Variants in UNC80 observed in about 807,000 individuals in gnomAD.
The protein encoded by UNC80 is protein unc-80 homolog.
A neutral mutation model predicts 384.6 loss-of-function variants in UNC80; 164 were observed. The observed-to-expected ratio is 0.43, with a 90% CI of 0.38 to 0.49. The LOEUF is 0.49. Among genes scored for constraint, UNC80 ranks in the 20% least tolerant of loss-of-function variants. The pLI is 0.00. For synonymous variants in UNC80, 1,486 were observed against 1,527.8 expected, an observed-to-expected ratio of 0.97 and a Z score of 0.64; for missense variants, 3,330 against 4,143.0, an observed-to-expected ratio of 0.80 and a Z score of 5.39.
chr2:209,853,919 A>G (rs1329300442), intron 22 of UNC80, among the ~76,000 whole-genome samples: 1 of 151,616 alleles, frequency 6.6e-6, no homozygotes, highest in African/African-American at 2.4e-5. Flanking sequence ...ATTGAGCCTC[A>G]TAAGTAGACA....
chr2:209,786,754 C>T (rs2077451396), intron 5 of UNC80, among the ~76,000 whole-genome samples: 1 of 151,990 alleles, frequency 6.6e-6, no homozygotes, highest in Non-Finnish European at 1.5e-5. Context: ...CCAAATCTAT[C>T]TCTTACTATG....
Position 209,978,623 on chromosome 2 carries a change from G to A in UNC80, c.9033G>A (p.Thr3011=), listed in dbSNP as rs375310838. 4.1e-5 allele frequency: 64 copies of A among 1,551,374 alleles called. No homozygotes were observed. The highest frequency in any genetic ancestry group is 4.8e-5 in the Non-Finnish European group (55 of 1,146,854). The change falls in exon 59 of 65, where the codon ACG becomes ACA. Residue 3011 remains threonine (T), a synonymous_variant. Transcript: ENST00000673920. ...LATMSRSNTG[T]GTVWEQDSEP... Reference sequence around the variant, plus strand: ...CCATGTCCCGCTCTAACACGGGCACGGGCACTGTCTGGGAGCAGGACAGTG... The same window carrying A: ...CCATGTCCCGCTCTAACACGGGCACAGGCACTGTCTGGGAGCAGGACAGTG...
intron 34 of UNC80, among the ~76,000 whole-genome samples, chr2:209,921,999 T>C (rs1462724928): frequency 2.0e-5 from 3 of 152,218 alleles, no homozygotes; most frequent in African/African-American, 7.2e-5. Flanking sequence ...TGTCAGTTGG[T>C]ATCAAAAATG....
At chr2:209,925,574 T>C (rs77405389) in intron 35 of UNC80, among the ~76,000 whole-genome samples, 3 of 107,794 alleles carry the variant, frequency 2.8e-5, no homozygotes, top group South Asian at 5.9e-4. Context: ...ATTTGGCCCC[T>C]CCCACATCCA....
intron 28 of UNC80, among the ~76,000 whole-genome samples, chr2:209,902,731 G>T (rs1259884039): frequency 6.6e-6 from 1 of 152,118 alleles, no homozygotes; most frequent in Non-Finnish European, 1.5e-5. Flanking sequence ...ATGTACATTG[G>T]TTTTTTAGAC....
chr2:209,866,642 A>T (rs913669363), intron 22 of UNC80, among the ~76,000 whole-genome samples: 9 of 152,022 alleles, frequency 5.9e-5, no homozygotes, highest in African/African-American at 1.9e-4. Flanking sequence ...CTATCCATTG[A>T]GTTTTAACTG....
Position 209,881,087 on chromosome 2 carries a change from C to T in UNC80, c.4103C>T (p.Pro1368Leu). Residue 1368 changes from proline (P) to leucine (L), a missense_variant, in exon 25 of 65, where the codon CCT (proline) becomes CTT (leucine). By Grantham distance (98) the Pro-to-Leu change is moderately conservative. This residue lies in a region of UNC80 where 801 missense variants were observed against 950.8 expected (regional missense o/e 0.84). Coordinates refer to ENST00000673920, the MANE Select transcript of UNC80 (RefSeq NM_001371986.1). ...FSCLPRPRTE[P>L]LVDLESCRLR... is the part of the protein sequence containing the mutation. ...TGCCTGCCCAGACCTCGCACTGAGCCTCTGGTGGTAAGTTAAAGCATGCAA... is the reference window on the plus strand; with the variant it reads ...TGCCTGCCCAGACCTCGCACTGAGCTTCTGGTGGTAAGTTAAAGCATGCAA... The T allele has an allele frequency of 1.3e-6, 2 of 1,551,642 alleles. No homozygotes were observed. Among genetic ancestry groups the T allele is most frequent in the Non-Finnish European group, 1.7e-6 (2 of 1,146,968 alleles).
chr2:209,945,958 T>G lies in UNC80; in HGVS notation c.7286+15T>G, dbSNP rs779636630. On this transcript the variant is annotated intron_variant, in intron 47 of 64. Coordinates refer to ENST00000673920, the MANE Select transcript of UNC80 (RefSeq NM_001371986.1). ...TCATTCAGAAGGTATCTGCAGCCCTTTATTCTGTGCCTTGTGATAAGTAAA... is the reference window on the plus strand; with the variant it reads ...TCATTCAGAAGGTATCTGCAGCCCTGTATTCTGTGCCTTGTGATAAGTAAA... 25 of 1,523,568 alleles carry G rather than the reference T, an allele frequency of 1.6e-5. No individual in the cohort carries two copies. The highest frequency in any genetic ancestry group is 2.1e-5 in the Non-Finnish European group (24 of 1,122,222). The allele number at this position is 1,523,568 out of a possible 1,614,324, so 94.4% of individuals were successfully genotyped here. A position where few individuals can be genotyped will look rare whatever the true frequency, so the allele number is the denominator to read the frequency against.
chr2:209,808,577 C>T (rs1204464147), intron 7 of UNC80, among the ~76,000 whole-genome samples: 2 of 151,922 alleles, frequency 1.3e-5, no homozygotes, highest in Admixed American at 1.3e-4. Flanking sequence ...TGCGCGAGCC[C>T]AGCCAGGCCC....
intron 42 of UNC80, among the ~76,000 whole-genome samples, chr2:209,939,066 C>G (rs1300743050): frequency 6.6e-6 from 1 of 151,946 alleles, no homozygotes; most frequent in Admixed American, 6.6e-5. Context: ...AAAGACAAAC[C>G]CGGAACTCCC....
At chr2:209,941,954 G>T (rs2091660375) in intron 44 of UNC80, among the ~76,000 whole-genome samples, 1 of 152,148 alleles carries the variant, frequency 6.6e-6, no homozygotes, top group African/African-American at 2.4e-5. Context: ...CATTCTTGGA[G>T]CCCATCCAGG....
At chr2:209,904,493 A>G (rs2124930443) in intron 28 of UNC80, among the ~76,000 whole-genome samples, 1 of 152,364 alleles carries the variant, frequency 6.6e-6, no homozygotes, top group Non-Finnish European at 1.5e-5. Flanking sequence ...TGGAAACCAT[A>G]CACTCCACAA....
At chr2:209,883,320 C>T (rs947347775) in intron 25 of UNC80, among the ~76,000 whole-genome samples, 1 of 151,886 alleles carries the variant, frequency 6.6e-6, no homozygotes, top group Admixed American at 6.6e-5. Context: ...TAATGTTGAA[C>T]AGCACATCTA....
chr2:209,955,306 T>C (rs1361852011), intron 48 of UNC80, among the ~76,000 whole-genome samples: 1 of 152,034 alleles, frequency 6.6e-6, no homozygotes, highest in Non-Finnish European at 1.5e-5. Flanking sequence ...TCAGCATGCA[T>C]CAGCAAGAAA....
chr2:209,957,402 A>G (rs1015735598), intron 48 of UNC80, among the ~76,000 whole-genome samples: 5 of 152,174 alleles, frequency 3.3e-5, no homozygotes, highest in Non-Finnish European at 7.3e-5. Context: ...CGAGTCTATT[A>G]CTCAGAACAA....
intron 35 of UNC80, 57 bp from the exon 36 acceptor site, chr2:209,926,786 T>G (rs2090469570): frequency 1.3e-6 from 2 of 1,541,216 alleles, no homozygotes; most frequent in African/African-American, 1.4e-5. Context: ...AAAACAACAG[T>G]AGCAACAAAG....
intron 21 of UNC80, 113 bp downstream of exon 21, chr2:209,842,559 C>G: frequency 1.3e-6 from 1 of 772,454 alleles, no homozygotes; most frequent in Non-Finnish European, 2.1e-6. Context: ...TCATTTCTTT[C>G]TCATACATGC....
At chr2:209,864,259 G>A (rs1186516562) in intron 22 of UNC80, among the ~76,000 whole-genome samples, 2 of 152,158 alleles carry the variant, frequency 1.3e-5, no homozygotes, top group South Asian at 2.1e-4. Flanking sequence ...GCACCAACCT[G>A]AATGCCAGTA....
chr2:209,811,252 A>G (rs1419120976), intron 7 of UNC80, among the ~76,000 whole-genome samples: 2 of 152,194 alleles, frequency 1.3e-5, no homozygotes, highest in Non-Finnish European at 2.9e-5. Context: ...CAATAAATCA[A>G]TAACTGGCAC....
Sources: allele counts gnomAD v4.1 joint callset (sites outside exome capture counted in the v4.1 genomes callset), GRCh38; gene constraint gnomAD v4.1.1; regional missense constraint gnomAD v4.1.1; transcripts MANE v1.5; gene names NCBI Gene and HGNC (gene_info 2026-07-23, HGNC 2026-07-21).